The following BBX variants were observed in gnomAD, a reference collection of about 807,000 sequenced individuals.
The protein encoded by BBX is HMG box transcription factor BBX.
A neutral mutation model predicts 100.2 loss-of-function variants in BBX; 30 were observed. The ratio of observed to expected loss-of-function variants is 0.30; its 90% CI spans 0.22 to 0.41. The LOEUF (loss-of-function observed/expected upper bound fraction) is 0.41. BBX is among the 10% of genes least tolerant of loss of function. BBX has a pLI of 1.00. For synonymous variants in BBX, 376 were observed against 388.1 expected (o/e 0.97, Z 0.37); for missense variants, 1,023 against 1,129.8 (o/e 0.91, Z 1.35).
At chr3:107,683,180 G>A (rs1050018458) in intron 3 of BBX, among the ~76,000 whole-genome samples, 1 of 152,016 alleles carries the variant, frequency 6.6e-6, no homozygotes, top group Admixed American at 6.6e-5. Context: ...TACTGTAAAT[G>A]CATTTAATGG....
intron 5 of BBX, among the ~76,000 whole-genome samples, chr3:107,721,300 G>C (rs2062508175): frequency 6.6e-6 from 1 of 151,960 alleles, no homozygotes. Flanking sequence ...TGTCTATATA[G>C]TAATTCTCAA....
intron 7 of BBX, 69 bp downstream of exon 7, chr3:107,733,092 A>G: frequency 7.3e-7 from 1 of 1,367,908 alleles, no homozygotes; most frequent in Non-Finnish European, 1.0e-6. Flanking sequence ...TAGTCTGTTT[A>G]CGTTGTTCAT....
At chr3:107,746,594 T>G (rs1199669591) in intron 8 of BBX, among the ~76,000 whole-genome samples, 1 of 152,152 alleles carries the variant, frequency 6.6e-6, no homozygotes, top group Non-Finnish European at 1.5e-5. Context: ...TGAATACAAT[T>G]AATTACTCAG....
intron 2 of BBX, among the ~76,000 whole-genome samples, chr3:107,619,980 C>G (rs762719810): frequency 2.4e-4 from 36 of 152,066 alleles, no homozygotes; most frequent in Non-Finnish European, 7.4e-5. Context: ...TTTTTCAGCC[C>G]TGCTCTCTTT....
chr3:107,692,187 T>C (rs1247477980), intron 3 of BBX, among the ~76,000 whole-genome samples: 1 of 149,974 alleles, frequency 6.7e-6, no homozygotes, highest in East Asian at 1.9e-4. Context: ...TATTTATTTA[T>C]TTATTTATTT....
chr3:107,542,274 AT>A (rs2048916818), intron 2 of BBX, among the ~76,000 whole-genome samples: 1 of 152,190 alleles, frequency 6.6e-6, no homozygotes. Flanking sequence ...TATTTAAAAG[AT>A]TTAAGATTTG....
At chr3:107,574,594 T>C (rs1033778222) in intron 2 of BBX, among the ~76,000 whole-genome samples, 1 of 152,204 alleles carries the variant, frequency 6.6e-6, no homozygotes, top group Non-Finnish European at 1.5e-5. Flanking sequence ...AAATTCTTCA[T>C]TGGGAGCTTA....
chr3:107,693,534 C>T (rs1403203492), intron 3 of BBX, among the ~76,000 whole-genome samples: 1 of 151,498 alleles, frequency 6.6e-6, no homozygotes, highest in Non-Finnish European at 1.5e-5. Flanking sequence ...TTTCTGAGGG[C>T]TCTGTTCTGT....
intron 3 of BBX, among the ~76,000 whole-genome samples, chr3:107,690,380 G>T (rs2060085577): frequency 6.6e-6 from 1 of 152,134 alleles, no homozygotes; most frequent in African/African-American, 2.4e-5. Context: ...ATATGGAAAG[G>T]CTTGGTTAGA....
In BBX at chr3:107,534,303, C is replaced by T. The variant is rs117745399; in HGVS notation, c.-84+7905C>T. On this transcript the variant is annotated intron_variant, in intron 2 of 17. Coordinates refer to ENST00000325805, the MANE Select transcript of BBX (RefSeq NM_001142568.3). ...AGCTTTTGGTGCACCTCTCAAAACT[C>T]ACCCAAGTGTAGAGTTCTCATGGAC... 7.9e-5 allele frequency among the ~76,000 whole-genome samples: 12 copies of T among 152,312 alleles called. No homozygotes were observed. The East Asian group carries it at 2.3e-3, about 29-fold the overall frequency.
At chr3:107,529,218 G>T (rs895588477) in intron 2 of BBX, among the ~76,000 whole-genome samples, 2 of 152,186 alleles carry the variant, frequency 1.3e-5, no homozygotes, top group Non-Finnish European at 2.9e-5. Context: ...TGGCATACCT[G>T]TGCTTTAAGA....
rs599984 is a variant in BBX at position 107,560,298 on chromosome 3, G to C, written c.-84+33900G>C. Among the ~76,000 whole-genome samples the C allele has an allele frequency of 2.0e-5, 3 of 151,442 alleles. No individual in the cohort carries two copies. In the East Asian group the frequency reaches 5.8e-4, roughly 29 times the overall value. Reference sequence around the variant, plus strand: ...AGGTGGTATCTTGACCTTTTATCCCGTCTTGTTTTTTTCCAAAAAAAAAGT... The same window carrying C: ...AGGTGGTATCTTGACCTTTTATCCCCTCTTGTTTTTTTCCAAAAAAAAAGT... On this transcript the variant is annotated intron_variant, in intron 2 of 17. Coordinates refer to ENST00000325805, the MANE Select transcript of BBX (RefSeq NM_001142568.3).
chr3:107,736,216 G>A (rs577852122), intron 7 of BBX, among the ~76,000 whole-genome samples: 1 of 152,112 alleles, frequency 6.6e-6, no homozygotes, highest in East Asian at 1.9e-4. Context: ...AGTCTCATTA[G>A]TAAATAACCC....
chr3:107,533,092 A>G (rs547693219), intron 2 of BBX, among the ~76,000 whole-genome samples: 20 of 152,172 alleles, frequency 1.3e-4, no homozygotes, highest in African/African-American at 4.6e-4. Context: ...ATATTCACAT[A>G]TTTTGCTGGA....
chr3:107,620,674 C>T (rs1397709132), intron 2 of BBX, among the ~76,000 whole-genome samples: 2 of 152,154 alleles, frequency 1.3e-5, no homozygotes, highest in Admixed American at 6.5e-5. Flanking sequence ...GTCTACCTTT[C>T]ACCAGTAGGC....
In BBX at chr3:107,728,748, T is replaced by G; in HGVS notation, c.406-17T>G. ...TATTTGTTAATTAAAATCTGCTGTC[T>G]GTCGTTTTATTTATAGTATAAGGAT... On this transcript the variant is annotated splice_polypyrimidine_tract_variant and intron_variant, in intron 5 of 17. Transcript: ENST00000325805. 2 of 1,588,010 alleles carry G rather than the reference T, an allele frequency of 1.3e-6. No individual in the cohort carries two copies. Among genetic ancestry groups the G allele is most frequent in the Non-Finnish European group, 1.7e-6 (2 of 1,166,572 alleles).
chr3:107,763,659 T>A (rs961229634), intron 10 of BBX, among the ~76,000 whole-genome samples: 1 of 152,200 alleles, frequency 6.6e-6, no homozygotes, highest in Non-Finnish European at 1.5e-5. Context: ...CCTTCAGTAT[T>A]TCTATTGAAT....
intron 3 of BBX, among the ~76,000 whole-genome samples, chr3:107,694,922 G>C (rs1207446829): frequency 6.6e-6 from 1 of 151,738 alleles, no homozygotes; most frequent in Non-Finnish European, 1.5e-5. Flanking sequence ...GTTTAGTCTT[G>C]GGAGGGTGTA....
At chr3:107,697,804 C>T (rs1021437509) in intron 3 of BBX, among the ~76,000 whole-genome samples, 6 of 151,862 alleles carry the variant, frequency 4.0e-5, no homozygotes, top group Admixed American at 6.5e-5. Flanking sequence ...GCCTCGCTGC[C>T]ACCTTGCAGT....
Sources: gnomAD v4.1 joint callset for allele counts (sites outside exome capture counted in the v4.1 genomes callset) on GRCh38, gnomAD v4.1.1 for gene constraint, MANE v1.5 for transcripts, NCBI Gene and HGNC (gene_info 2026-07-23, HGNC 2026-07-21) for gene names.